The following TTC29 variants were observed in gnomAD, a reference collection of about 807,000 sequenced individuals.
The protein encoded by TTC29 is tetratricopeptide repeat protein 29.
A neutral mutation model predicts 58.1 loss-of-function variants in TTC29; 49 were observed. The ratio of observed to expected loss-of-function variants is 0.84; its 90% CI spans 0.67 to 1.07. TTC29 has a LOEUF of 1.07. TTC29 is among the 50% of genes least tolerant of loss of function. The pLI is 0.00. For missense variants in TTC29, 582 were observed against 555.6 expected (o/e 1.05, Z -0.48); for synonymous variants, 209 against 196.8 (o/e 1.06, Z -0.52).
chr4:146,830,566 G>T (rs1003623668), intron 9 of TTC29, among the ~76,000 whole-genome samples: 2 of 152,134 alleles, frequency 1.3e-5, no homozygotes, highest in Non-Finnish European at 2.9e-5. Context: ...TCTACCATTA[G>T]TGAAACTTGT....
chr4:146,728,839 A>G (rs557930490), intron 11 of TTC29, among the ~76,000 whole-genome samples: 1 of 85,566 alleles, frequency 1.2e-5, no homozygotes, highest in Non-Finnish European at 2.3e-5. Flanking sequence ...ATATATACAC[A>G]TATATATGTA....
At chr4:146,863,113 C>A (rs113609015) in intron 8 of TTC29, among the ~76,000 whole-genome samples, 6 of 147,330 alleles carry the variant, frequency 4.1e-5, no homozygotes, top group Admixed American at 2.7e-4. Context: ...CAGAGCCAGA[C>A]TCCGCCTCAA....
intron 11 of TTC29, among the ~76,000 whole-genome samples, chr4:146,728,272 T>C (rs1743936494): frequency 6.7e-6 from 1 of 148,276 alleles, no homozygotes; most frequent in Non-Finnish European, 1.5e-5. Context: ...GGCAACAGAG[T>C]GAGAGCCCAT....
intron 4 of TTC29, among the ~76,000 whole-genome samples, chr4:146,932,400 T>C (rs1404061968): frequency 6.6e-6 from 1 of 152,142 alleles, no homozygotes; most frequent in East Asian, 1.9e-4. Flanking sequence ...AGCAAACTTT[T>C]TTAAGAGAAA....
At chr4:146,844,178 T>C (rs550104712) in intron 8 of TTC29, among the ~76,000 whole-genome samples, 1 of 152,288 alleles carries the variant, frequency 6.6e-6, no homozygotes, top group South Asian at 2.1e-4. Context: ...CATAAATATA[T>C]CAGAAAATTT....
Position 146,757,710 on chromosome 4 carries a change from C to T in TTC29, c.1330+45747G>A, listed in dbSNP as rs201106231. ...TACCAGCCAAGAATTTTGTATCCAG[C>T]GAAACTAAGCATCATATATGAAGGA... On this transcript the variant is annotated intron_variant, in intron 11 of 12. Transcript: ENST00000325106. 3.0e-4 allele frequency among the ~76,000 whole-genome samples: 45 copies of T among 152,112 alleles called. 1 individual carries two copies. The East Asian group carries it at 5.4e-3, about 18-fold the overall frequency.
chr4:146,777,241 T>C (rs972593422), intron 11 of TTC29, among the ~76,000 whole-genome samples: 15 of 152,204 alleles, frequency 9.9e-5, no homozygotes, highest in Admixed American at 4.6e-4. Context: ...TGCACCAACC[T>C]AATACTTTTG....
At chr4:146,780,188 G>A (rs1341802385) in intron 11 of TTC29, among the ~76,000 whole-genome samples, 2 of 152,048 alleles carry the variant, frequency 1.3e-5, no homozygotes, top group African/African-American at 2.4e-5. Context: ...TGGGTAACAT[G>A]TATGGGTAGA....
At chr4:146,784,608 G>T (rs1375740620) in intron 11 of TTC29, among the ~76,000 whole-genome samples, 2 of 152,104 alleles carry the variant, frequency 1.3e-5, no homozygotes, top group Admixed American at 1.3e-4. Flanking sequence ...ACCATGTGAG[G>T]ACACAGCAAG....
At chr4:146,807,942 A>G (rs961180835) in intron 10 of TTC29, among the ~76,000 whole-genome samples, 1 of 152,208 alleles carries the variant, frequency 6.6e-6, no homozygotes, top group African/African-American at 2.4e-5. Context: ...ACAAAAAAAG[A>G]AAATTTCAGG....
intron 8 of TTC29, among the ~76,000 whole-genome samples, chr4:146,843,473 T>A (rs899522388): frequency 1.6e-4 from 25 of 152,134 alleles, no homozygotes; most frequent in Non-Finnish European, 3.4e-4. Flanking sequence ...CTCCCATACA[T>A]TGACTGCTTA....
At chr4:146,808,836 A>G (rs1005829411) in intron 10 of TTC29, among the ~76,000 whole-genome samples, 7 of 152,352 alleles carry the variant, frequency 4.6e-5, no homozygotes, top group Middle Eastern at 3.4e-3. Flanking sequence ...ATCCAATGCT[A>G]TCCCCATGAA....
rs760483238 is a variant in TTC29, at chr4:146,903,711, T to A, written c.419A>T (p.His140Leu). ...ACAGGCCAGAGCATACAAGTTATTATGTACATCTTCGAAGGATTCTTCAAA... is the reference window on the plus strand; with the variant it reads ...ACAGGCCAGAGCATACAAGTTATTAAGTACATCTTCGAAGGATTCTTCAAA... ...AERKESFEDV[H>L]NNLYALACYF... is the part of the protein sequence containing the mutation. The change falls in exon 6 of 13, where the codon CAT (histidine) becomes CTT (leucine). Residue 140 changes from histidine to leucine, a missense_variant. Coordinates refer to ENST00000325106, the MANE Select transcript of TTC29 (RefSeq NM_031956.4). The A allele has an allele frequency of 6.3e-7, 1 of 1,599,234 alleles. No homozygotes were observed. The highest frequency in any genetic ancestry group is 1.7e-5 in the Admixed American group (1 of 57,796).
At chr4:146,783,967 T>A (rs1330556204) in intron 11 of TTC29, among the ~76,000 whole-genome samples, 1 of 151,946 alleles carries the variant, frequency 6.6e-6, no homozygotes, top group Non-Finnish European at 1.5e-5. Flanking sequence ...AAGACTCATT[T>A]CTATCTCTAA....
chr4:146,797,439 T>C (rs1402773062), intron 11 of TTC29, among the ~76,000 whole-genome samples: 1 of 152,192 alleles, frequency 6.6e-6, no homozygotes, highest in Non-Finnish European at 1.5e-5. Flanking sequence ...TGTTTAGTGA[T>C]TAATTCTCTC....
intron 11 of TTC29, among the ~76,000 whole-genome samples, chr4:146,748,339 A>G (rs1745701329): frequency 1.3e-5 from 2 of 152,142 alleles, no homozygotes; most frequent in South Asian, 4.2e-4. Flanking sequence ...CATGTCTTGG[A>G]GAGTGAGCCT....
At chr4:146,874,552 G>A (rs1403386955) in intron 7 of TTC29, among the ~76,000 whole-genome samples, 164 bp downstream of exon 7, 1 of 152,088 alleles carries the variant, frequency 6.6e-6, no homozygotes, top group South Asian at 2.1e-4. Flanking sequence ...CAGCACTAAG[G>A]CACCTTCGTT....
intron 11 of TTC29, among the ~76,000 whole-genome samples, chr4:146,785,984 TACACACACACAC>T (rs149100538): frequency 4.0e-5 from 6 of 149,302 alleles, no homozygotes; most frequent in African/African-American, 1.5e-4. Context: ...TATATATGTG[TACACACACACAC>T]ACACACACAC....
At chr4:146,818,474 A>C (rs1751579349) in intron 10 of TTC29, among the ~76,000 whole-genome samples, 1 of 152,220 alleles carries the variant, frequency 6.6e-6, no homozygotes, top group Admixed American at 6.6e-5. Flanking sequence ...GAACACTTTT[A>C]CACTGTTGGT....
Sources: gnomAD v4.1 joint callset for allele counts (sites outside exome capture counted in the v4.1 genomes callset) on GRCh38, gnomAD v4.1.1 for gene constraint, MANE v1.5 for transcripts, NCBI Gene and HGNC (gene_info 2026-07-23, HGNC 2026-07-21) for gene names.